Variants in LCOR observed in about 807,000 individuals in gnomAD.
LCOR encodes the protein ligand dependent nuclear receptor corepressor, also known as ligand-dependent corepressor.
A neutral mutation model predicts 64.4 loss-of-function variants in LCOR; 14 were observed. That is an observed-to-expected ratio of 0.22 (90% CI 0.14 to 0.34). The LOEUF is 0.34. LCOR is among the 10% of genes least tolerant of loss of function. The pLI is 1.00. For synonymous variants in LCOR, 643 were observed against 642.5 expected, an observed-to-expected ratio of 1.00 and a Z score of -0.01; for missense variants, 1,686 against 1,765.3, an observed-to-expected ratio of 0.96 and a Z score of 0.80.
intron 2 of LCOR, among the ~76,000 whole-genome samples, chr10:96,886,400 G>T (rs1846344037): frequency 6.6e-6 from 1 of 152,178 alleles, no homozygotes; most frequent in Admixed American, 6.6e-5. Context: ...TTCCTTTGAG[G>T]ATCATGACCG....
In LCOR at chr10:96,832,348, G is replaced by T; in HGVS notation, c.-455G>T. ...GCAGCAATGCTCCGTTGAGAGACGCGGCTTTCGGCAAGAACTGGATTCGTG... is the reference window on the plus strand; with the variant it reads ...GCAGCAATGCTCCGTTGAGAGACGCTGCTTTCGGCAAGAACTGGATTCGTG... On this transcript the variant is annotated 5_prime_UTR_variant, in exon 1 of 8. Transcript: ENST00000421806. The T allele has an allele frequency of 2.0e-6, 2 of 985,024 alleles. No homozygotes were observed. The highest frequency in any genetic ancestry group is 2.4e-6 in the Non-Finnish European group (2 of 829,730). 61.0% of individuals were successfully genotyped at this position (985,024 alleles called of 1,614,324 possible).
chr10:96,954,901 C>T, intron 7 of LCOR: 3 of 1,477,580 alleles, frequency 2.0e-6, no homozygotes, highest in Non-Finnish European at 2.8e-6. Flanking sequence ...CTCACCCATC[C>T]CTCCCTACCT....
chr10:96,983,888 A>G lies in LCOR; in HGVS notation c.3428A>G (p.Asp1143Gly). The G allele has an allele frequency of 6.2e-7, 1 of 1,614,220 alleles. No individual in the cohort carries two copies. The highest frequency in any genetic ancestry group is 8.5e-7 in the Non-Finnish European group (1 of 1,180,040). ...ACACCAAGAGCAAGGAACAAATCAG[A>G]TAAACTGAAAGAGATTTGGAAAAGC... ...QPTPRARNKS[D>G]KLKEIWKSKK... The change falls in exon 8 of 8, where the codon GAT becomes GGT. Residue 1143 changes from aspartate to glycine, a missense_variant. Transcript: ENST00000421806. This position sits in a 1 kb window ranked among gnomAD's most constrained non-coding sequence, Gnocchi z 4.5.
chr10:96,963,146 T>C (rs1241763770), intron 7 of LCOR: 1 of 152,236 alleles, frequency 6.6e-6, no homozygotes, highest in Non-Finnish European at 1.5e-5. Context: ...CACACTCTTA[T>C]AGTGGCATTC....
chr10:96,925,720 T>C (rs936700524), intron 4 of LCOR, among the ~76,000 whole-genome samples: 13 of 152,220 alleles, frequency 8.5e-5, no homozygotes, highest in Admixed American at 6.5e-4. Flanking sequence ...AAATAAGTTA[T>C]TTGTGGGGAG....
At chr10:96,926,991 A>C (rs796775791) in intron 4 of LCOR, among the ~76,000 whole-genome samples, 8 of 152,102 alleles carry the variant, frequency 5.3e-5, no homozygotes, top group African/African-American at 1.9e-4. Flanking sequence ...AATTGTGTAC[A>C]TCTTTTTGTG....
chr10:96,906,346 G>A (rs1201065470), intron 2 of LCOR, among the ~76,000 whole-genome samples: 1 of 152,172 alleles, frequency 6.6e-6, no homozygotes, highest in African/African-American at 2.4e-5. Context: ...CTCCTTGTTT[G>A]TAATAACCAT....
At chr10:96,838,638 ATGT>A (rs767052418) in intron 2 of LCOR, among the ~76,000 whole-genome samples, 1 of 152,210 alleles carries the variant, frequency 6.6e-6, no homozygotes, top group Non-Finnish European at 1.5e-5. Flanking sequence ...AGATTCATTC[ATGT>A]TGTAGCATTA....
At chr10:96,964,391 G>A (rs1208982358) in intron 7 of LCOR, 1 of 152,068 alleles carries the variant, frequency 6.6e-6, no homozygotes, top group Non-Finnish European at 1.5e-5. Flanking sequence ...CTGGATGCTA[G>A]AGTTTTCAAA....
intron 2 of LCOR, among the ~76,000 whole-genome samples, chr10:96,843,252 A>G (rs891857986): frequency 1.8e-4 from 27 of 151,982 alleles, no homozygotes; most frequent in African/African-American, 6.0e-4. Context: ...CAGCCCCTGG[A>G]GTATCTGGGA....
chr10:96,891,841 C>A (rs1267882275), intron 2 of LCOR, among the ~76,000 whole-genome samples: 2 of 152,170 alleles, frequency 1.3e-5, no homozygotes, highest in Middle Eastern at 6.8e-3. Flanking sequence ...CCACACCTAG[C>A]CTGTAGTTAC....
intron 2 of LCOR, among the ~76,000 whole-genome samples, chr10:96,885,026 T>C (rs1329816625): frequency 2.0e-5 from 3 of 152,228 alleles, no homozygotes; most frequent in Non-Finnish European, 4.4e-5. Flanking sequence ...TAATAAGACT[T>C]TTAAGTTGTC....
chr10:96,868,731 A>T (rs1046516851), intron 2 of LCOR, among the ~76,000 whole-genome samples: 2 of 152,100 alleles, frequency 1.3e-5, no homozygotes, highest in African/African-American at 4.8e-5. Context: ...ACTTTTAATG[A>T]TTTTTAATTT....
chr10:96,967,499 A>G (rs1464263530), intron 7 of LCOR, among the ~76,000 whole-genome samples: 1 of 152,214 alleles, frequency 6.6e-6, no homozygotes, highest in Non-Finnish European at 1.5e-5. Context: ...TTCCTTCTGT[A>G]AAGTGAGGGT....
intron 2 of LCOR, among the ~76,000 whole-genome samples, chr10:96,865,072 A>C (rs1264682173): frequency 6.6e-6 from 1 of 152,206 alleles, no homozygotes. Context: ...GGAAGGAGGT[A>C]GGGGAAATGT....
chr10:96,889,732 C>CT (rs1195317516), intron 2 of LCOR, among the ~76,000 whole-genome samples: 1 of 152,126 alleles, frequency 6.6e-6, no homozygotes, highest in Admixed American at 6.5e-5. Flanking sequence ...CTTAACAGTT[C>CT]TTTTTTATGG....
intron 4 of LCOR, among the ~76,000 whole-genome samples, chr10:96,938,248 GTT>G (rs150478446): frequency 0.2 from 29,684 of 152,050 alleles, 5,003 homozygotes; most frequent in African/African-American, 0.46. Flanking sequence ...TACCTGGCTG[GTT>G]TTTAACACTC....
Position 96,934,854 on chromosome 10 carries a change from G to A in LCOR, c.-183-9259G>A, listed in dbSNP as rs553020454. On this transcript the variant is annotated intron_variant, in intron 4 of 7. Coordinates refer to ENST00000421806, the MANE Select transcript of LCOR (RefSeq NM_001346516.2). ...TGCCATCAAATGAGCTGCTCGCCTC[G>A]GCCTCCAAAAGGGCTGGGTTTACAG... Among the ~76,000 whole-genome samples, 29 of 152,170 alleles carry A rather than the reference G, an allele frequency of 1.9e-4. No homozygotes were observed. In the East Asian group the frequency reaches 4.1e-3, roughly 21 times the overall value.
At chr10:96,926,603 C>G (rs1415651898) in intron 4 of LCOR, among the ~76,000 whole-genome samples, 8 of 152,000 alleles carry the variant, frequency 5.3e-5, no homozygotes, top group Non-Finnish European at 1.5e-5. Context: ...CCAAAGAGTA[C>G]ATTTGGATGA....
Sources: gnomAD v4.1 joint callset for allele counts (sites outside exome capture counted in the v4.1 genomes callset) on GRCh38, gnomAD v4.1.1 for gene constraint, Gnocchi (gnomAD v3.1) non-coding constraint, MANE v1.5 for transcripts, NCBI Gene and HGNC (gene_info 2026-07-23, HGNC 2026-07-21) for gene names.